The following OLFML2B variants were observed in gnomAD, a reference collection of about 807,000 sequenced individuals.
OLFML2B encodes olfactomedin like 2B.
A neutral mutation model predicts 74.9 loss-of-function variants in OLFML2B; 57 were observed. That is an observed-to-expected ratio of 0.76 (90% confidence interval 0.61 to 0.95). The LOEUF (loss-of-function observed/expected upper bound fraction) is 0.95, where lower values mean the gene tolerates loss of function less well. Ranked by LOEUF, OLFML2B falls within the 40% of genes least tolerant of loss-of-function variation. OLFML2B has a pLI of 0.00. For synonymous variants in OLFML2B, 388 were observed against 405.8 expected (o/e 0.96, Z 0.53); for missense variants, 986 against 970.6 (o/e 1.02, Z -0.21).
Position 161,984,017 on chromosome 1 carries a change from G to C in OLFML2B, c.1911C>G (p.Asp637Glu). The part of the protein sequence containing the change: ...NGLWLIYPAL[D>E]DEGFSQEVIV... ...TGACCTCCTGGCTGAAGCCCTCATCGTCCAGGGCCGGGTAGATGAGCCATA... is the reference window on the plus strand; with the variant it reads ...TGACCTCCTGGCTGAAGCCCTCATCCTCCAGGGCCGGGTAGATGAGCCATA... Residue 637 changes from aspartate to glutamate, a missense_variant, in exon 8 of 8, where the codon GAC (aspartate) becomes GAG (glutamate). Physicochemically the swap from Asp to Glu is conservative, Grantham distance 45. Coordinates refer to ENST00000294794, the MANE Select transcript of OLFML2B (RefSeq NM_015441.3). 6.2e-7 allele frequency: 1 copy of C among 1,614,164 alleles called. No homozygotes were observed.
chr1:161,984,465 G>A (rs77494277), intron 7 of OLFML2B, among the ~76,000 whole-genome samples, 189 bp from the exon 8 acceptor site: 7,928 of 152,258 alleles, frequency 0.052, 243 homozygotes, highest in East Asian at 0.085. Flanking sequence ...TCTGTCATAG[G>A]GAAGTGACAA....
chr1:162,012,716 G>C (rs1175215722), intron 3 of OLFML2B, among the ~76,000 whole-genome samples: 2 of 152,044 alleles, frequency 1.3e-5, no homozygotes, highest in African/African-American at 4.8e-5. Context: ...AAGAGCATGG[G>C]CTATGCACCC....
intron 3 of OLFML2B, among the ~76,000 whole-genome samples, chr1:162,009,795 T>C (rs1690325156): frequency 6.6e-6 from 1 of 152,158 alleles, no homozygotes; most frequent in Admixed American, 6.5e-5. Flanking sequence ...CTGGGGGTGC[T>C]GGCCCTCAAG....
intron 2 of OLFML2B, among the ~76,000 whole-genome samples, chr1:162,018,234 C>A (rs149819193): frequency 2.0e-5 from 3 of 152,140 alleles, no homozygotes; most frequent in African/African-American, 7.2e-5. Flanking sequence ...ACTCCCATGA[C>A]GTGAGTTTAC....
chr1:162,000,828 G>A (rs940594289), intron 4 of OLFML2B, among the ~76,000 whole-genome samples: 1 of 152,136 alleles, frequency 6.6e-6, no homozygotes. Flanking sequence ...GATGCACACC[G>A]CCTCAGGATG....
intron 3 of OLFML2B, among the ~76,000 whole-genome samples, chr1:162,007,787 G>T (rs901502293): frequency 1.3e-5 from 2 of 152,154 alleles, no homozygotes; most frequent in Admixed American, 1.3e-4. Context: ...GGGCTGCCCA[G>T]AGAAGCCCCA....
intron 3 of OLFML2B, among the ~76,000 whole-genome samples, chr1:162,015,366 C>G (rs2101976916): frequency 6.6e-6 from 1 of 152,268 alleles, no homozygotes; most frequent in South Asian, 2.1e-4. Flanking sequence ...GGTCCTTGGA[C>G]AAGCCCAGCC....
intron 5 of OLFML2B, among the ~76,000 whole-genome samples, chr1:161,999,221 A>G (rs1307696453): frequency 6.6e-6 from 1 of 152,236 alleles, no homozygotes; most frequent in African/African-American, 2.4e-5. Context: ...CACAAAAGAA[A>G]TAATTGGTAA....
chr1:161,991,607 G>A (rs1241054175), intron 6 of OLFML2B, among the ~76,000 whole-genome samples: 1 of 152,142 alleles, frequency 6.6e-6, no homozygotes, highest in African/African-American at 2.4e-5. Flanking sequence ...GTGGTAGCAT[G>A]TGCCTATAAT....
intron 2 of OLFML2B, among the ~76,000 whole-genome samples, chr1:162,018,111 A>G (rs2101979507): frequency 6.6e-6 from 1 of 152,290 alleles, no homozygotes; most frequent in South Asian, 2.1e-4. Context: ...GAAGGGAATA[A>G]CAGATGCTAA....
intron 3 of OLFML2B, among the ~76,000 whole-genome samples, chr1:162,009,407 CTG>C (rs1043871643): frequency 3.9e-5 from 6 of 152,198 alleles, no homozygotes; most frequent in African/African-American, 1.4e-4. Flanking sequence ...TTCCTAAACA[CTG>C]TGCATCAGTG....
In OLFML2B at chr1:161,983,779, C is replaced by A; in HGVS notation, c.2149G>T (p.Glu717Ter). The change falls in exon 8 of 8, where the codon GAG becomes TAG. Residue 717 changes from glutamate (E) to a stop codon, truncating the protein, a stop_gained. Coordinates refer to ENST00000294794, the MANE Select transcript of OLFML2B (RefSeq NM_015441.3). LOFTEE classifies it high-confidence loss of function. ...QIVPRLLFEN[E>*]YSYTTQIDYN... is the part of the protein sequence containing the mutation. ...TCTATCTGGGTCGTATAGGAATACT[C>A]ATTCTCGAACAGCAGCCTGGGGACG... 1 of 1,614,078 alleles carries A rather than the reference C, an allele frequency of 6.2e-7. No homozygotes were observed. The highest frequency in any genetic ancestry group is 8.5e-7 in the Non-Finnish European group (1 of 1,180,014).
Position 161,984,218 on chromosome 1 carries a change from T to A in OLFML2B, c.1710A>T (p.Val570=). Residue 570 remains valine (V), a synonymous_variant, in exon 8 of 8, where the codon GTA becomes GTT. Coordinates refer to ENST00000294794, the MANE Select transcript of OLFML2B (RefSeq NM_015441.3). The part of the protein sequence containing the change: ...PYSWIGTGHV[V]YNGAFYYNRA... ...GATTGTAGTAGAAGGCGCCATTGTA[T>A]ACCACGTGGCCTGTGCCGATCCAGC... The A allele has an allele frequency of 6.4e-7, 1 of 1,569,620 alleles. No individual in the cohort carries two copies. The highest frequency in any genetic ancestry group is 1.7e-4 in the Middle Eastern group (1 of 5,814).
Position 162,023,584 on chromosome 1 carries a change from G to A in OLFML2B, c.-154C>T, listed in dbSNP as rs1690797113. ...CTGGGTGCGGCTGAGCGGGACGGGA[G>A]GGTGCGCCCCAGAGACTCTGGGCAT... is the stretch of plus-strand genomic sequence containing the variant. On this transcript the variant is annotated 5_prime_UTR_variant, in exon 1 of 8. Coordinates refer to ENST00000294794, the MANE Select transcript of OLFML2B (RefSeq NM_015441.3). 4.5e-6 allele frequency: 3 copies of A among 663,786 alleles called. No individual in the cohort carries two copies. In the Middle Eastern group the frequency reaches 1.3e-3, roughly 296 times the overall value. 41.1% of individuals were successfully genotyped at this position (663,786 alleles called of 1,614,324 possible). A position where few individuals can be genotyped will look rare whatever the true frequency, so the allele number is the denominator to read the frequency against.
intron 6 of OLFML2B, among the ~76,000 whole-genome samples, chr1:161,993,822 TG>T (rs1689812715): frequency 6.6e-6 from 1 of 152,328 alleles, no homozygotes; most frequent in South Asian, 2.1e-4. Context: ...ACGACGCCCC[TG>T]GACAGCATGC....
In OLFML2B at chr1:161,984,850, G is replaced by A. The variant is rs191778042; in HGVS notation, c.1605C>T (p.Tyr535=). ...DERIYVTNYY[Y]GNTLVEFRNL... is the part of the protein sequence containing the mutation. The stretch of plus-strand genomic sequence containing the variant: ...TCCGGAACTCTACCAGGGTGTTGCC[G>A]TAGTAATAGTTGGTTACGTAAATCC... The change falls in exon 7 of 8, where the codon TAC becomes TAT. Residue 535 remains tyrosine, a synonymous_variant. Transcript: ENST00000294794. The A allele has an allele frequency of 5.6e-6, 9 of 1,613,216 alleles. No homozygotes were observed. The highest frequency in any genetic ancestry group is 3.3e-5 in the Admixed American group (2 of 59,864).
At chr1:162,018,651 G>A (rs1217219691) in intron 2 of OLFML2B, among the ~76,000 whole-genome samples, 1 of 152,190 alleles carries the variant, frequency 6.6e-6, no homozygotes, top group East Asian at 1.9e-4. Flanking sequence ...AGGTGGCCGA[G>A]GCTCTGGCGG....
At chr1:162,003,931 G>A (rs1225440426) in intron 4 of OLFML2B, among the ~76,000 whole-genome samples, 1 of 152,220 alleles carries the variant, frequency 6.6e-6, no homozygotes, top group Non-Finnish European at 1.5e-5. Flanking sequence ...GGTGGGGAAG[G>A]ATTGTGCTAA....
chr1:161,985,104 T>C, intron 6 of OLFML2B, 124 bp from the exon 7 acceptor site: 1 of 952,022 alleles, frequency 1.1e-6, no homozygotes, highest in Non-Finnish European at 1.5e-6. Flanking sequence ...CTGTATAACC[T>C]GACCCCAAAC....
Sources: allele counts gnomAD v4.1 joint callset (sites outside exome capture counted in the v4.1 genomes callset), GRCh38; gene constraint gnomAD v4.1.1; transcripts MANE v1.5; gene names NCBI Gene and HGNC (gene_info 2026-07-23, HGNC 2026-07-21).